ANKRD45: variants seen among roughly 807,000 people sequenced by gnomAD.
ANKRD45 encodes ankyrin repeat domain 45.
A neutral mutation model predicts 28.1 loss-of-function variants in ANKRD45; 21 were observed. The observed-to-expected ratio is 0.75, with a 90% CI of 0.53 to 1.08. The LOEUF (loss-of-function observed/expected upper bound fraction) is 1.08. Ranked by LOEUF, ANKRD45 falls within the 50% of genes least tolerant of loss-of-function variation. ANKRD45 has a pLI of 0.00. For synonymous variants in ANKRD45, 86 were observed against 103.9 expected, an observed-to-expected ratio of 0.83 and a Z score of 1.05; for missense variants, 261 against 308.7, an observed-to-expected ratio of 0.85 and a Z score of 1.16.
At chr1:173,681,030 A>G in the ANKRD45 span, among the ~76,000 whole-genome samples, 7 of 151,950 alleles carry the variant, frequency 4.6e-5, no homozygotes, top group African/African-American at 1.7e-4. Flanking sequence ...TACCTAATGT[A>G]GATGACGGGT....
the ANKRD45 span, among the ~76,000 whole-genome samples, chr1:173,683,195 G>A: frequency 6.6e-6 from 1 of 152,094 alleles, no homozygotes; most frequent in African/African-American, 2.4e-5. Context: ...CTAATGGTAA[G>A]GTGAAATTAA....
chr1:173,692,665 A>C, the ANKRD45 span, among the ~76,000 whole-genome samples: 2 of 152,346 alleles, frequency 1.3e-5, no homozygotes, highest in Admixed American at 1.3e-4. Flanking sequence ...AAACATAAAC[A>C]GTGAGAAGCA....
intron 5 of ANKRD45, among the ~76,000 whole-genome samples, chr1:173,612,472 A>G (rs528243070): frequency 6.6e-6 from 1 of 152,358 alleles, no homozygotes; most frequent in African/African-American, 2.4e-5. Flanking sequence ...GCATGAAAAG[A>G]TGCTCAGAAT....
chr1:173,659,397 C>G lies in ANKRD45; in HGVS notation c.22G>C (p.Glu8Gln), dbSNP rs139793889. MESEGPP[E>Q]SESSEFFSQQ... ...GAGAAAAATTCTGAACTCTCTGACT[C>G]TGGAGGTCCTTCTGACTCCATTAAC... The change falls in exon 2 of 6, where the codon GAG becomes CAG. Residue 8 changes from glutamate to glutamine, a missense_variant. Physicochemically the swap from Glu to Gln is conservative, Grantham distance 29. Transcript: ENST00000333279. 984 of 1,577,776 alleles carry G rather than the reference C, an allele frequency of 6.2e-4. 5 individuals carry two copies. In the African/African-American group the frequency reaches 0.011, roughly 18 times the overall value.
At chr1:173,666,619 G>A (rs1029024955) in intron 1 of ANKRD45, among the ~76,000 whole-genome samples, 2 of 152,070 alleles carry the variant, frequency 1.3e-5, no homozygotes, top group African/African-American at 2.4e-5. Flanking sequence ...GTCTGTATAC[G>A]TTTAGTACAA....
At chr1:173,655,205 G>A (rs1669443398) in intron 2 of ANKRD45, among the ~76,000 whole-genome samples, 2 of 136,918 alleles carry the variant, frequency 1.5e-5, no homozygotes, top group South Asian at 4.2e-4. Flanking sequence ...CAGCTTTTCT[G>A]CTCGGTTTCT....
chr1:173,713,012 T>C, the ANKRD45 span, among the ~76,000 whole-genome samples: 88 of 152,324 alleles, frequency 5.8e-4, no homozygotes, highest in Non-Finnish European at 9.4e-4. Flanking sequence ...TTGATCAACA[T>C]GGACAAATCT....
chr1:173,613,024 A>G (rs1266392003), intron 5 of ANKRD45, among the ~76,000 whole-genome samples: 3 of 150,214 alleles, frequency 2.0e-5, no homozygotes, highest in African/African-American at 2.5e-5. Context: ...CCGTCTGGGA[A>G]GTGAGGAGCG....
chr1:173,713,196 C>T, the ANKRD45 span, among the ~76,000 whole-genome samples: 1 of 152,166 alleles, frequency 6.6e-6, no homozygotes, highest in African/African-American at 2.4e-5. Flanking sequence ...TAGTCAGTTA[C>T]AGGTCTAGGA....
upstream of ANKRD45, among the ~76,000 whole-genome samples, chr1:173,670,409 G>A (rs180932409): frequency 6.6e-6 from 1 of 152,320 alleles, no homozygotes; most frequent in African/African-American, 2.4e-5. Context: ...GGCATACCTA[G>A]CAATTATATC....
At chr1:173,669,506 G>C (rs1670169824) in intron 1 of ANKRD45, 1 of 455,916 alleles carries the variant, frequency 2.2e-6, no homozygotes, top group Non-Finnish European at 4.4e-6. Context: ...CTGAGGAACA[G>C]GATACAGAAA....
chr1:173,629,712 G>A (rs1033511960), intron 3 of ANKRD45, among the ~76,000 whole-genome samples: 1 of 151,960 alleles, frequency 6.6e-6, no homozygotes, highest in African/African-American at 2.4e-5. Context: ...TTAAAGAGGA[G>A]GTAGAGAGAG....
At chr1:173,655,253 C>T (rs1387339229) in intron 2 of ANKRD45, among the ~76,000 whole-genome samples, 1 of 152,144 alleles carries the variant, frequency 6.6e-6, no homozygotes, top group Non-Finnish European at 1.5e-5. Context: ...TGGTGTTTGA[C>T]GTTGGTGACC....
At chr1:173,698,119 C>A in the ANKRD45 span, among the ~76,000 whole-genome samples, 1 of 152,132 alleles carries the variant, frequency 6.6e-6, no homozygotes, top group Non-Finnish European at 1.5e-5. Context: ...GCTAACTATT[C>A]TATACATATA....
intron 3 of ANKRD45, among the ~76,000 whole-genome samples, chr1:173,644,507 C>T (rs1014769276): frequency 3.3e-5 from 5 of 152,144 alleles, no homozygotes; most frequent in African/African-American, 9.7e-5. Context: ...CTTTTCACCA[C>T]TAAGACATAT....
Position 173,665,167 on chromosome 1 carries a change from AAAC to A in ANKRD45, c.-16+4647_-16+4649del, listed in dbSNP as rs552896036. Among the ~76,000 whole-genome samples, 31 of 152,152 alleles carry A rather than the reference AAAC, an allele frequency of 2.0e-4. No individual in the cohort carries two copies. In the East Asian group the frequency reaches 3.5e-3, roughly 17 times the overall value. ...TACTTATTTTCTTTTTTAAAAAAAT[AAAC>A]AACAACAACAACAACAAAAAACTAG... On this transcript the variant is annotated intron_variant, in intron 1 of 5. Transcript: ENST00000333279.
the ANKRD45 span, among the ~76,000 whole-genome samples, chr1:173,684,100 G>C: frequency 6.6e-6 from 1 of 152,056 alleles, no homozygotes; most frequent in Non-Finnish European, 1.5e-5. Flanking sequence ...AGTTAGGGTG[G>C]AGCAGCTGAT....
chr1:173,678,757 A>T, the ANKRD45 span, among the ~76,000 whole-genome samples: 3 of 152,196 alleles, frequency 2.0e-5, no homozygotes, highest in Non-Finnish European at 4.4e-5. Flanking sequence ...AAAAAGAGGG[A>T]GTCAAATTGT....
intron 5 of ANKRD45, among the ~76,000 whole-genome samples, chr1:173,610,978 C>G (rs1022933783): frequency 3.9e-5 from 6 of 152,140 alleles, no homozygotes; most frequent in African/African-American, 7.2e-5. Flanking sequence ...TCTCCCACCC[C>G]AAAGCCTTTA....
Sources: gnomAD v4.1 joint callset for allele counts (sites outside exome capture counted in the v4.1 genomes callset) on GRCh38, gnomAD v4.1.1 for gene constraint, MANE v1.5 for transcripts, NCBI Gene and HGNC (gene_info 2026-07-23, HGNC 2026-07-21) for gene names.